NHSL1: variants seen among roughly 807,000 people sequenced by gnomAD.
NHSL1 encodes NHS-like protein 1.
Under a neutral mutation model 95.0 loss-of-function variants are expected in NHSL1, and 48 were observed. The observed-to-expected ratio is 0.51, with a 90% CI of 0.40 to 0.64. NHSL1 has a LOEUF of 0.64. Ranked by LOEUF, NHSL1 falls within the 30% of genes least tolerant of loss-of-function variation. The probability of loss-of-function intolerance (pLI) is 0.00; values close to 1 mark genes in which losing one functional copy is unlikely to be tolerated. For synonymous variants in NHSL1, 783 were observed against 833.9 expected (o/e 0.94, Z 1.05); for missense variants, 1,971 against 2,077.7 (o/e 0.95, Z 1.00).
chr6:138,478,459 G>A lies in NHSL1; in HGVS notation c.212-5026C>T, dbSNP rs558442597. ...TCCACTGTCATTTATTCCAACTCTA[G>A]AGGAAATTCAGAAAATTCTCCTCTT... On this transcript the variant is annotated intron_variant, in intron 2 of 7. Coordinates refer to ENST00000343505, the MANE Select transcript of NHSL1 (RefSeq NM_001144060.2). Among the ~76,000 whole-genome samples, 3 of 151,948 alleles carry A rather than the reference G, an allele frequency of 2.0e-5. No homozygotes were observed. The South Asian group carries it at 6.2e-4, about 32-fold the overall frequency.
intron 1 of NHSL1, among the ~76,000 whole-genome samples, chr6:138,513,174 T>A (rs1781309369): frequency 6.6e-6 from 1 of 152,084 alleles, no homozygotes; most frequent in African/African-American, 2.4e-5. Context: ...TGAAAATGGA[T>A]ACAATGGGAC....
upstream of NHSL1, among the ~76,000 whole-genome samples, chr6:138,500,829 G>C (rs1279409741): frequency 6.6e-6 from 1 of 152,010 alleles, no homozygotes; most frequent in Non-Finnish European, 1.5e-5. Context: ...AGAACACATA[G>C]AAACGTTACC....
chr6:138,428,791 T>TA (rs550741874), intron 7 of NHSL1, among the ~76,000 whole-genome samples: 3,534 of 151,276 alleles, frequency 0.023, 88 homozygotes, highest in Non-Finnish European at 0.028. Flanking sequence ...TTCAGGAGGT[T>TA]AAAAAAAAAG....
chr6:138,682,673 T>C (rs759605740), intron 1 of NHSL1, among the ~76,000 whole-genome samples: 1 of 149,524 alleles, frequency 6.7e-6, no homozygotes, highest in Non-Finnish European at 1.5e-5. Context: ...CCGCCCTGAA[T>C]AAACAAGATG....
intron 2 of NHSL1, among the ~76,000 whole-genome samples, chr6:138,476,230 C>T (rs180929703): frequency 8.5e-4 from 129 of 152,250 alleles, no homozygotes; most frequent in Middle Eastern, 3.4e-3. Context: ...AACAGCAGAG[C>T]TATGGAATCA....
At chr6:138,612,305 C>A (rs1415304262) in intron 1 of NHSL1, among the ~76,000 whole-genome samples, 2 of 151,998 alleles carry the variant, frequency 1.3e-5, no homozygotes, top group Non-Finnish European at 2.9e-5. Flanking sequence ...TACAGAAACA[C>A]TAATACAAGA....
At chr6:138,626,966 C>T (rs1044093837) in intron 1 of NHSL1, among the ~76,000 whole-genome samples, 2 of 126,856 alleles carry the variant, frequency 1.6e-5, no homozygotes, top group African/African-American at 5.8e-5. Context: ...TAAACAAAAA[C>T]ATTACTGTAT....
intron 1 of NHSL1, among the ~76,000 whole-genome samples, chr6:138,513,876 T>C (rs990708983): frequency 6.6e-6 from 1 of 152,190 alleles, no homozygotes; most frequent in South Asian, 2.1e-4. Context: ...TGGACCATGA[T>C]ACAGAGGCCA....
At chr6:138,457,265 T>C (rs1444125822) in intron 3 of NHSL1, among the ~76,000 whole-genome samples, 1 of 152,232 alleles carries the variant, frequency 6.6e-6, no homozygotes, top group African/African-American at 2.4e-5. Flanking sequence ...GCATAACATA[T>C]ACAATTGGAA....
intron 3 of NHSL1, among the ~76,000 whole-genome samples, chr6:138,466,008 G>A (rs944304376): frequency 1.4e-5 from 2 of 146,544 alleles, no homozygotes; most frequent in African/African-American, 2.5e-5. Context: ...ACAGGCGTGT[G>A]CCACTGCGCC....
chr6:138,647,119 G>A (rs937426738), intron 1 of NHSL1, among the ~76,000 whole-genome samples: 1 of 152,156 alleles, frequency 6.6e-6, no homozygotes, highest in African/African-American at 2.4e-5. Context: ...CCCAAAAACA[G>A]TGAATCACCA....
intron 2 of NHSL1, among the ~76,000 whole-genome samples, chr6:138,475,960 C>T (rs940465435): frequency 1.8e-4 from 28 of 152,024 alleles, no homozygotes; most frequent in Non-Finnish European, 3.7e-4. Flanking sequence ...GAGACTCTGT[C>T]TCAAAAAACA....
chr6:138,545,697 G>A (rs998203536), exon 1 of NHSL1: 8 of 1,284,740 alleles, frequency 6.2e-6, no homozygotes, highest in Admixed American at 4.7e-5. Flanking sequence ...TGCAGTGCTA[G>A]GCACAGCTGT....
chr6:138,474,639 C>A (rs1778955313), intron 2 of NHSL1, among the ~76,000 whole-genome samples: 1 of 152,112 alleles, frequency 6.6e-6, no homozygotes, highest in South Asian at 2.1e-4. Context: ...CTAACTAATA[C>A]TACTTCAGTT....
At chr6:138,521,291 T>C (rs1489627510) in intron 1 of NHSL1, among the ~76,000 whole-genome samples, 1 of 151,940 alleles carries the variant, frequency 6.6e-6, no homozygotes, top group African/African-American at 2.4e-5. Flanking sequence ...GAGACCCCCA[T>C]CTCTACAAAA....
chr6:138,519,459 T>A (rs907046704), intron 1 of NHSL1, among the ~76,000 whole-genome samples: 6 of 152,158 alleles, frequency 3.9e-5, no homozygotes, highest in East Asian at 3.9e-4. Flanking sequence ...TCTTTTTTTT[T>A]AAACCAGAGA....
intron 1 of NHSL1, among the ~76,000 whole-genome samples, chr6:138,583,576 C>A (rs1274526858): frequency 6.6e-6 from 1 of 152,142 alleles, no homozygotes; most frequent in Non-Finnish European, 1.5e-5. Flanking sequence ...TGTAAACCAC[C>A]CAAGAGAAAG....
intron 1 of NHSL1, among the ~76,000 whole-genome samples, chr6:138,533,908 C>T (rs1023594757): frequency 2.6e-5 from 4 of 152,136 alleles, no homozygotes; most frequent in Admixed American, 1.3e-4. Context: ...CCAGTCACCA[C>T]GAAGCTGAGA....
intron 1 of NHSL1, among the ~76,000 whole-genome samples, chr6:138,497,953 T>G (rs1366482569): frequency 6.6e-6 from 1 of 152,254 alleles, no homozygotes; most frequent in Non-Finnish European, 1.5e-5. Flanking sequence ...GCTTAGTATT[T>G]GACAAAAGCA....
Sources: gnomAD v4.1 joint callset for allele counts (sites outside exome capture counted in the v4.1 genomes callset) on GRCh38, gnomAD v4.1.1 for gene constraint, MANE v1.5 for transcripts, NCBI Gene and HGNC (gene_info 2026-07-23, HGNC 2026-07-21) for gene names.